The following TTC28 variants were observed in gnomAD, a reference collection of about 807,000 sequenced individuals.
TTC28 encodes tetratricopeptide repeat protein 28.
A neutral mutation model predicts 198.0 loss-of-function variants in TTC28; 61 were observed. That is an observed-to-expected ratio of 0.31 (90% CI 0.25 to 0.38). The LOEUF is 0.38. TTC28 is among the 10% of genes least tolerant of loss of function. The pLI is 1.00. For missense variants in TTC28, 2,678 were observed against 3,164.0 expected (o/e 0.85, Z 3.69); for synonymous variants, 1,171 against 1,297.8 (o/e 0.90, Z 2.10).
Position 28,613,214 on chromosome 22 carries a change from T to A in TTC28, c.381+16338A>T, listed in dbSNP as rs531735444. 7.2e-5 allele frequency among the ~76,000 whole-genome samples: 11 copies of A among 152,240 alleles called. No individual in the cohort carries two copies. The South Asian group carries it at 1.5e-3, about 20-fold the overall frequency. ...AAAAATCTAGAAGAAATGGATAAATTCCTGGACACATACACCCTCCCAAGA... is the reference window on the plus strand; with the variant it reads ...AAAAATCTAGAAGAAATGGATAAATACCTGGACACATACACCCTCCCAAGA... On this transcript the variant is annotated intron_variant, in intron 2 of 22. Transcript: ENST00000397906.
chr22:28,388,428 T>C (rs1367665367), intron 2 of TTC28, among the ~76,000 whole-genome samples: 2 of 152,206 alleles, frequency 1.3e-5, no homozygotes, highest in Admixed American at 6.5e-5. Flanking sequence ...CTGTAAATTA[T>C]CTTGGGCAGT....
intron 2 of TTC28, among the ~76,000 whole-genome samples, chr22:28,580,180 G>C (rs1419345816): frequency 1.3e-5 from 2 of 152,112 alleles, no homozygotes; most frequent in Admixed American, 6.6e-5. Context: ...TCAAATAACA[G>C]GTGATTAAAC....
chr22:28,183,150 T>C (rs1303847832), intron 5 of TTC28, among the ~76,000 whole-genome samples: 1 of 151,978 alleles, frequency 6.6e-6, no homozygotes, highest in Non-Finnish European at 1.5e-5. Context: ...CCTCGAACTC[T>C]TGGGTTCAAG....
intron 5 of TTC28, among the ~76,000 whole-genome samples, chr22:28,210,682 C>T (rs867950800): frequency 8.6e-5 from 13 of 152,030 alleles, no homozygotes; most frequent in East Asian, 3.9e-4. Context: ...CTGAAAGTGA[C>T]GGGGAGAATG....
rs547428647 is a variant in TTC28 at position 28,567,087 on chromosome 22, C to T, written c.381+62465G>A. ...AAAATTAGCCGGGCATGGTGGCGGA[C>T]GCCTGTAATCCCAGCTACTTGGGAG... On this transcript the variant is annotated intron_variant, in intron 2 of 22. Coordinates refer to ENST00000397906, the MANE Select transcript of TTC28 (RefSeq NM_001145418.2). Among the ~76,000 whole-genome samples, 8 of 152,010 alleles carry T rather than the reference C, an allele frequency of 5.3e-5. No individual in the cohort carries two copies. In the South Asian group the frequency reaches 8.3e-4, roughly 16 times the overall value.
intron 13 of TTC28, among the ~76,000 whole-genome samples, chr22:28,020,486 G>A (rs778731104): frequency 1.3e-5 from 2 of 152,220 alleles, no homozygotes; most frequent in Non-Finnish European, 2.9e-5. Flanking sequence ...AGAGGGGTCA[G>A]GGGCGTGGCT....
intron 2 of TTC28, among the ~76,000 whole-genome samples, chr22:28,433,058 T>C (rs2047456075): frequency 1.3e-5 from 2 of 152,170 alleles, no homozygotes; most frequent in South Asian, 4.1e-4. Context: ...ATGGATCCTG[T>C]TTCTCAACAT....
Position 28,645,658 on chromosome 22 carries a change from A to T in TTC28, c.103-15828T>A, listed in dbSNP as rs1043723745. ...AAAAAAAAAAAGATAATTCGCCATG[A>T]TCAAGCGGGTTTCATCCTAGGGATG... On this transcript the variant is annotated intron_variant, in intron 1 of 22. Coordinates refer to ENST00000397906, the MANE Select transcript of TTC28 (RefSeq NM_001145418.2). 2.6e-5 allele frequency among the ~76,000 whole-genome samples: 4 copies of T among 151,974 alleles called. No homozygotes were observed. In the East Asian group the frequency reaches 7.7e-4, roughly 29 times the overall value.
chr22:28,552,148 A>C (rs1386443791), intron 2 of TTC28, among the ~76,000 whole-genome samples: 1 of 152,212 alleles, frequency 6.6e-6, no homozygotes, highest in Non-Finnish European at 1.5e-5. Flanking sequence ...AAAAAATAAT[A>C]AAATACTTAG....
In TTC28 at chr22:27,982,853, G is replaced by T; in HGVS notation, c.6814C>A (p.Pro2272Thr). 1 of 1,545,128 alleles carries T rather than the reference G, an allele frequency of 6.5e-7. No individual in the cohort carries two copies. The highest frequency in any genetic ancestry group is 8.8e-7 in the Non-Finnish European group (1 of 1,142,798). Residue 2272 changes from proline (P) to threonine (T), a missense_variant, in exon 23 of 23, where the codon CCC (proline) becomes ACC (threonine). Around this residue, in one of 8 missense-constraint regions of TTC28, gnomAD observed 622 missense variants for 656.0 expected, o/e 0.95. Transcript: ENST00000397906. This position sits in a 1 kb window ranked among gnomAD's most constrained non-coding sequence, Gnocchi z 5.2. ...SPSQHSGRPS[P>T]GCDSQTSQLD... ...TGGGAAGTCTGTGAGTCGCAGCCGG[G>T]CGATGGCCGGCCACTGTGCTGGCTC...
chr22:28,544,553 G>A (rs985056122), intron 2 of TTC28, among the ~76,000 whole-genome samples: 2 of 152,132 alleles, frequency 1.3e-5, no homozygotes, highest in Non-Finnish European at 2.9e-5. Context: ...GATAAAATAA[G>A]GCTATGACCG....
intron 2 of TTC28, among the ~76,000 whole-genome samples, chr22:28,463,019 T>C (rs1005590489): frequency 2.0e-5 from 3 of 152,184 alleles, no homozygotes; most frequent in African/African-American, 7.2e-5. Flanking sequence ...AGCAAAGATA[T>C]GCAAATTTCC....
At chr22:28,474,260 G>A (rs1601442607) in intron 2 of TTC28, among the ~76,000 whole-genome samples, 1 of 152,156 alleles carries the variant, frequency 6.6e-6, no homozygotes, top group Admixed American at 6.5e-5. Flanking sequence ...AACTGACTTG[G>A]CAGAAGCAAA....
chr22:28,615,797 G>A (rs1290010804), intron 2 of TTC28, among the ~76,000 whole-genome samples: 1 of 151,608 alleles, frequency 6.6e-6, no homozygotes, highest in African/African-American at 2.4e-5. Flanking sequence ...CCTGTAGGGG[G>A]GTGGGGGGCT....
At chr22:28,008,711 T>C (rs1938021536) in intron 14 of TTC28, 1 of 152,248 alleles carries the variant, frequency 6.6e-6, no homozygotes, top group Admixed American at 6.5e-5. Context: ...TCCTTGATTA[T>C]AGCAGCTGCT....
At position 28,496,254 on chromosome 22, in the gene TTC28, T is replaced by C. The variant is rs117792683; in HGVS notation, c.381+133298A>G. ...CACTTTATATGAATCTATAAATGCG[T>C]ATCTCTGGCACTGTCATCTCCCTGA... On this transcript the variant is annotated intron_variant, in intron 2 of 22. Coordinates refer to ENST00000397906, the MANE Select transcript of TTC28 (RefSeq NM_001145418.2). 6.8e-3 allele frequency among the ~76,000 whole-genome samples: 1,042 copies of C among 152,268 alleles called. 3 individuals are homozygous for C. The highest frequency in any genetic ancestry group is 0.011 in the Admixed American group (163 of 15,274).
At chr22:28,023,998 A>G (rs1296226798) in intron 13 of TTC28, among the ~76,000 whole-genome samples, 2 of 152,132 alleles carry the variant, frequency 1.3e-5, no homozygotes, top group Non-Finnish European at 2.9e-5. Context: ...TGTCATTATC[A>G]TCTTTGTTAT....
chr22:28,374,994 G>A (rs1053797710), intron 2 of TTC28, among the ~76,000 whole-genome samples: 1 of 151,932 alleles, frequency 6.6e-6, no homozygotes, highest in East Asian at 1.9e-4. Flanking sequence ...AGGCTGAGGC[G>A]GGAGGATCGC....
chr22:28,673,078 T>TA (rs1359761463), intron 1 of TTC28, among the ~76,000 whole-genome samples: 1 of 151,932 alleles, frequency 6.6e-6, no homozygotes, highest in African/African-American at 2.4e-5. Context: ...TTGCAGGAGT[T>TA]AAAAAAAGAA....
Sources: gnomAD v4.1 joint callset for allele counts (sites outside exome capture counted in the v4.1 genomes callset) on GRCh38, gnomAD v4.1.1 for gene constraint, gnomAD v4.1.1 regional missense constraint, Gnocchi (gnomAD v3.1) non-coding constraint, MANE v1.5 for transcripts, NCBI Gene and HGNC (gene_info 2026-07-23, HGNC 2026-07-21) for gene names.